CCDC30: variants seen among roughly 807,000 people sequenced by gnomAD.
CCDC30 encodes coiled-coil domain containing 30.
A neutral mutation model predicts 100.2 loss-of-function variants in CCDC30; 70 were observed. That is an observed-to-expected ratio of 0.70 (90% CI 0.58 to 0.85). The LOEUF (loss-of-function observed/expected upper bound fraction) is 0.85. CCDC30 is among the 40% of genes least tolerant of loss of function. The probability of loss-of-function intolerance (pLI) is 0.00; values close to 1 mark genes in which losing one functional copy is unlikely to be tolerated. For missense variants in CCDC30, 652 were observed against 771.2 expected (o/e 0.85, Z 1.83); for synonymous variants, 233 against 269.5 (o/e 0.86, Z 1.33).
intron 1 of CCDC30, among the ~76,000 whole-genome samples, chr1:42,468,204 C>T (rs867994404): frequency 1.1e-4 from 16 of 152,298 alleles, no homozygotes; most frequent in African/African-American, 3.6e-4. Context: ...GAAATGTATT[C>T]CTCCCACATA....
intron 6 of CCDC30, among the ~76,000 whole-genome samples, chr1:42,564,816 T>C (rs1645572772): frequency 6.6e-6 from 1 of 152,152 alleles, no homozygotes; most frequent in South Asian, 2.1e-4. Context: ...TTGACCAGCA[T>C]CTTCCCATTC....
At chr1:42,500,380 C>T (rs1569824646) in intron 6 of CCDC30, 23 of 1,364,016 alleles carry the variant, frequency 1.7e-5, no homozygotes, top group Admixed American at 6.7e-5. Context: ...TGAGAACGAG[C>T]GAAGTCTGGT....
chr1:42,469,032 A>C (rs955477045), intron 1 of CCDC30, among the ~76,000 whole-genome samples: 3 of 152,032 alleles, frequency 2.0e-5, no homozygotes, highest in African/African-American at 7.3e-5. Flanking sequence ...AAAAAAAAAA[A>C]AACTTTCAGG....
At chr1:42,639,014 T>C (rs1647223287) in intron 12 of CCDC30, among the ~76,000 whole-genome samples, 2 of 152,238 alleles carry the variant, frequency 1.3e-5, no homozygotes, top group Admixed American at 6.5e-5. Context: ...GCATTTTGCT[T>C]CTAGGCCAGA....
intron 11 of CCDC30, among the ~76,000 whole-genome samples, chr1:42,635,984 G>T (rs758274261): frequency 6.6e-6 from 1 of 152,154 alleles, no homozygotes; most frequent in Admixed American, 6.6e-5. Context: ...ATCCTAGTGC[G>T]TGTGAAGCAG....
chr1:42,556,428 C>T (rs748191400), intron 6 of CCDC30, 23 bp downstream of exon 10: 2 of 1,562,132 alleles, frequency 1.3e-6, no homozygotes, highest in Non-Finnish European at 1.7e-6. Flanking sequence ...AACACATGCC[C>T]TGACTGGGTT....
chr1:42,460,225 A>G (rs544101357), upstream of CCDC30: 40 of 1,078,170 alleles, frequency 3.7e-5, no homozygotes, highest in African/African-American at 6.6e-4. Flanking sequence ...ATACTATAGA[A>G]AAAGGATTAT....
chr1:42,568,600 C>T (rs1355358139), intron 7 of CCDC30, among the ~76,000 whole-genome samples: 1 of 152,020 alleles, frequency 6.6e-6, no homozygotes, highest in African/African-American at 2.4e-5. Flanking sequence ...CATTTTGGAA[C>T]CTCAGCTTTA....
chr1:42,517,683 G>A (rs1019048443), intron 6 of CCDC30, among the ~76,000 whole-genome samples: 2 of 151,846 alleles, frequency 1.3e-5, no homozygotes, highest in Admixed American at 6.6e-5. Flanking sequence ...TTCCTCCATC[G>A]TCTTTGCACT....
intron 10 of CCDC30, among the ~76,000 whole-genome samples, chr1:42,599,701 T>G (rs1646363822): frequency 6.6e-6 from 1 of 152,124 alleles, no homozygotes; most frequent in Non-Finnish European, 1.5e-5. Context: ...AAATTAAAAG[T>G]AAATGGATGG....
upstream of CCDC30, chr1:42,460,355 G>T: frequency 1.0e-6 from 1 of 987,026 alleles, no homozygotes; most frequent in Non-Finnish European, 1.2e-6. Context: ...TTAGGAAATG[G>T]ATGTATAAAA....
intron 3 of CCDC30, among the ~76,000 whole-genome samples, chr1:42,483,809 T>A (rs1448640682): frequency 1.3e-5 from 2 of 152,172 alleles, no homozygotes; most frequent in African/African-American, 4.8e-5. Context: ...TAAATGCTAA[T>A]ATTCATCAAG....
At chr1:42,495,974 T>C (rs1644225833) in intron 4 of CCDC30, among the ~76,000 whole-genome samples, 1 of 152,204 alleles carries the variant, frequency 6.6e-6, no homozygotes, top group Admixed American at 6.6e-5. Flanking sequence ...TAAGTGACTA[T>C]ACGAGGCATA....
intron 3 of CCDC30, among the ~76,000 whole-genome samples, chr1:42,486,204 A>G (rs1644047999): frequency 6.6e-6 from 1 of 152,228 alleles, no homozygotes; most frequent in South Asian, 2.1e-4. Flanking sequence ...ACAGTAGCCA[A>G]GAGTTAGAAA....
At chr1:42,567,396 G>A (rs902400079) in intron 7 of CCDC30, among the ~76,000 whole-genome samples, 4 of 152,132 alleles carry the variant, frequency 2.6e-5, no homozygotes, top group African/African-American at 7.2e-5. Context: ...CCCACACCTG[G>A]TATAGCAGGA....
At chr1:42,521,836 A>C (rs981998981) in intron 6 of CCDC30, among the ~76,000 whole-genome samples, 1 of 151,798 alleles carries the variant, frequency 6.6e-6, no homozygotes, top group Admixed American at 6.6e-5. Flanking sequence ...TTGAAATTGA[A>C]TGTTTATTTT....
At chr1:42,627,661 C>T (rs1409409592) in intron 11 of CCDC30, among the ~76,000 whole-genome samples, 1 of 152,166 alleles carries the variant, frequency 6.6e-6, no homozygotes, top group African/African-American at 2.4e-5. Flanking sequence ...GCCACTCCAG[C>T]CATGGCTGAA....
At chr1:42,577,766 A>G (rs2762698) in intron 8 of CCDC30, among the ~76,000 whole-genome samples, 93,344 of 151,738 alleles carry the variant, frequency 0.62, 29,421 homozygotes, top group East Asian at 0.81. Context: ...TCAGCCTCCC[A>G]AGTAGCTGGG....
At chr1:42,651,970 T>G (rs1194096424) in intron 15 of CCDC30, among the ~76,000 whole-genome samples, 4 of 103,890 alleles carry the variant, frequency 3.9e-5, no homozygotes, top group Non-Finnish European at 8.6e-5. Context: ...AGTACAGCAA[T>G]TATGGAAAAC....
Sources: gnomAD v4.1 joint callset for allele counts (sites outside exome capture counted in the v4.1 genomes callset) on GRCh38, gnomAD v4.1.1 for gene constraint, MANE v1.5 for transcripts, NCBI Gene and HGNC (gene_info 2026-07-23, HGNC 2026-07-21) for gene names.